BDP1: variants seen among roughly 807,000 people sequenced by gnomAD.
The protein encoded by BDP1 is transcription factor TFIIIB component B'' homolog.
Under a neutral mutation model 266.6 loss-of-function variants are expected in BDP1, and 169 were observed. That is an observed-to-expected ratio of 0.63 (90% CI 0.56 to 0.72). The LOEUF (loss-of-function observed/expected upper bound fraction) is 0.72. BDP1 is among the 30% of genes least tolerant of loss of function. The pLI is 0.00. For synonymous variants in BDP1, 1,090 were observed against 1,022.4 expected (o/e 1.07, Z -1.26); for missense variants, 3,015 against 3,053.8 (o/e 0.99, Z 0.30).
At chr5:71,461,571 G>A (rs953665247) in intron 2 of BDP1, among the ~76,000 whole-genome samples, 3 of 152,014 alleles carry the variant, frequency 2.0e-5, no homozygotes, top group Non-Finnish European at 2.9e-5. Context: ...CTATGATTGC[G>A]CCACTGCACT....
chr5:71,481,391 G>GAAAAAAAAAAAAAAAAAAAAAAAAA (rs58798987), intron 7 of BDP1, among the ~76,000 whole-genome samples: 3 of 63,846 alleles, frequency 4.7e-5, no homozygotes, highest in Admixed American at 2.2e-4. Flanking sequence ...TCTCTACAAA[G>GAAAAAAAAAAAAAAAAAAAAAAAAA]AAAAAAAAAA....
the BDP1 span, among the ~76,000 whole-genome samples, chr5:71,575,959 A>C: frequency 2.0e-5 from 3 of 152,226 alleles, no homozygotes; most frequent in African/African-American, 4.8e-5. Context: ...GCTCCAGAGA[A>C]GGTACAAACA....
intron 3 of BDP1, among the ~76,000 whole-genome samples, chr5:71,463,488 T>G (rs1212095194): frequency 6.6e-6 from 1 of 152,080 alleles, no homozygotes; most frequent in African/African-American, 2.4e-5. Flanking sequence ...GCTTCATGCC[T>G]TGGGATTGGG....
At chr5:71,506,786 A>AACACGCACACACAC (rs1764603310) in intron 16 of BDP1, among the ~76,000 whole-genome samples, 1 of 64,408 alleles carries the variant, frequency 1.6e-5, no homozygotes. Flanking sequence ...ATATATTTGA[A>AACACGCACACACAC]ACACACACAC....
intron 2 of BDP1, among the ~76,000 whole-genome samples, chr5:71,460,320 C>T (rs1238555470): frequency 3.9e-5 from 6 of 152,174 alleles, no homozygotes; most frequent in East Asian, 1.9e-4. Flanking sequence ...GCAGAGGTTG[C>T]GGTGAGCCAA....
intron 4 of BDP1, among the ~76,000 whole-genome samples, 188 bp downstream of exon 4, chr5:71,464,305 G>A (rs1761761914): frequency 6.6e-6 from 1 of 151,954 alleles, no homozygotes; most frequent in Non-Finnish European, 1.5e-5. Context: ...GACCAGCCTG[G>A]GCATCATAGT....
chr5:71,503,898 GAGTTCA>G (rs1035629813), intron 15 of BDP1, among the ~76,000 whole-genome samples: 7 of 151,856 alleles, frequency 4.6e-5, no homozygotes, highest in African/African-American at 1.7e-4. Flanking sequence ...TTGAGCCCAG[GAGTTCA>G]AGCCTCCAGT....
At chr5:71,542,308 C>G (rs757155183) in intron 30 of BDP1, 43 bp downstream of exon 30, 9 of 1,459,376 alleles carry the variant, frequency 6.2e-6, no homozygotes, top group Non-Finnish European at 8.4e-6. Context: ...CATTTTGACA[C>G]AAGAAATTAC....
chr5:71,483,837 A>G lies in BDP1; in HGVS notation c.1015-5A>G. ...AATTACCATAGGGTTTTTTGTTGTTAACAGAATAAATTTAAACGGGAAGAG... is the reference window on the plus strand; with the variant it reads ...AATTACCATAGGGTTTTTTGTTGTTGACAGAATAAATTTAAACGGGAAGAG... On this transcript the variant is annotated splice_polypyrimidine_tract_variant and splice_region_variant and intron_variant, in intron 7 of 38. Transcript: ENST00000358731. 6.2e-7 allele frequency: 1 copy of G among 1,607,290 alleles called. No homozygotes were observed. Among genetic ancestry groups the G allele is most frequent in the Non-Finnish European group, 8.5e-7 (1 of 1,175,444 alleles).
At chr5:71,511,215 C>T in intron 17 of BDP1, 64 bp downstream of exon 17, 1 of 1,460,750 alleles carries the variant, frequency 6.8e-7, no homozygotes, top group Non-Finnish European at 9.3e-7. Flanking sequence ...TAAATAATTC[C>T]ATGATTATTT....
intron 10 of BDP1, 85 bp downstream of exon 10, chr5:71,489,767 T>C (rs1023596847): frequency 8.5e-7 from 1 of 1,171,592 alleles, no homozygotes; most frequent in Non-Finnish European, 1.2e-6. Flanking sequence ...ATTTTCTGTC[T>C]AGATAGCAAT....
chr5:71,459,464 AT>A (rs1279853288), intron 2 of BDP1, among the ~76,000 whole-genome samples: 1 of 152,224 alleles, frequency 6.6e-6, no homozygotes, highest in Non-Finnish European at 1.5e-5. Context: ...GTGAGCCGAG[AT>A]TGTGCCTCTG....
chr5:71,554,431 C>G (rs1157336312), intron 35 of BDP1, among the ~76,000 whole-genome samples: 1 of 152,134 alleles, frequency 6.6e-6, no homozygotes, highest in African/African-American at 2.4e-5. Flanking sequence ...GTTGTTTTCT[C>G]ATGCAGAACT....
At chr5:71,488,588 C>A (rs977519272) in intron 9 of BDP1, among the ~76,000 whole-genome samples, 3 of 151,856 alleles carry the variant, frequency 2.0e-5, no homozygotes, top group African/African-American at 7.3e-5. Context: ...ACCACCACAC[C>A]CAGCTAATTT....
At chr5:71,500,025 A>T (rs1202972422) in intron 13 of BDP1, among the ~76,000 whole-genome samples, 1 of 152,196 alleles carries the variant, frequency 6.6e-6, no homozygotes, top group Admixed American at 6.5e-5. Flanking sequence ...GTCATAAATA[A>T]TCTATTTACA....
chr5:71,555,832 C>T (rs943762349), intron 35 of BDP1, among the ~76,000 whole-genome samples: 1 of 152,090 alleles, frequency 6.6e-6, no homozygotes, highest in African/African-American at 2.4e-5. Flanking sequence ...TCAAGTTTCT[C>T]CTCATTACTT....
At chr5:71,569,355 G>A (rs1204690149), downstream of BDP1, among the ~76,000 whole-genome samples, 1 of 152,168 alleles carries the variant, frequency 6.6e-6, no homozygotes, top group Admixed American at 6.5e-5. Flanking sequence ...GAGAGGCTGA[G>A]GCAGGAAGAT....
chr5:71,468,422 A>C (rs367667111), intron 6 of BDP1, among the ~76,000 whole-genome samples: 1 of 151,676 alleles, frequency 6.6e-6, no homozygotes, highest in Non-Finnish European at 1.5e-5. Flanking sequence ...TGTTGAGATT[A>C]TAGGCGTGAG....
chr5:71,502,004 G>A (rs1269700814), intron 14 of BDP1, among the ~76,000 whole-genome samples: 1 of 152,002 alleles, frequency 6.6e-6, no homozygotes, highest in Non-Finnish European at 1.5e-5. Flanking sequence ...GCTCTTCCAG[G>A]GGTTACCATT....
Sources: gnomAD v4.1 joint callset for allele counts (sites outside exome capture counted in the v4.1 genomes callset) on GRCh38, gnomAD v4.1.1 for gene constraint, MANE v1.5 for transcripts, NCBI Gene and HGNC (gene_info 2026-07-23, HGNC 2026-07-21) for gene names.